The following TG variants were observed in gnomAD, a reference collection of about 807,000 sequenced individuals.
The protein encoded by TG is thyroglobulin, also known as thyroid hormones.
In TG, 270 loss-of-function variants were observed where a neutral mutation model predicts 324.7. That is an observed-to-expected ratio of 0.83 (90% CI 0.75 to 0.92). The LOEUF is 0.92. TG is among the 40% of genes least tolerant of loss of function. TG has a pLI of 0.00. For missense variants in TG, 3,591 were observed against 3,456.4 expected, an observed-to-expected ratio of 1.04 and a Z score of -0.98; for synonymous variants, 1,401 against 1,327.0, an observed-to-expected ratio of 1.06 and a Z score of -1.21.
In TG at chr8:132,897,746, G is replaced by C; in HGVS notation, c.3099G>C (p.Ala1033=). 6.2e-7 allele frequency: 1 copy of C among 1,614,210 alleles called. No individual in the cohort carries two copies. The highest frequency in any genetic ancestry group is 1.6e-4 in the Middle Eastern group (1 of 6,062). ...GCCCCTACATGCCACAGTGTGATGCGTTTGGAAGTTGGGAGCCTGTGCAGT... is the reference window on the plus strand; with the variant it reads ...GCCCCTACATGCCACAGTGTGATGCCTTTGGAAGTTGGGAGCCTGTGCAGT... The part of the protein sequence containing the change: ...RSGPYMPQCD[A]FGSWEPVQCH... Residue 1033 remains alanine (A), a synonymous_variant, in exon 12 of 48, where the codon GCG becomes GCC. Transcript: ENST00000220616.
At position 133,002,276 on chromosome 8, in the gene TG, T is replaced by C. The variant is rs1833591402; in HGVS notation, c.6263-9625T>C. ...TGCCTGTGGGGTGCATGCAGCTCTA[T>C]AGTGATGTGTAATTTTTTGGGCAAT... On this transcript the variant is annotated intron_variant, in intron 35 of 47. Coordinates refer to ENST00000220616, the MANE Select transcript of TG (RefSeq NM_003235.5). 9.1e-6 allele frequency: 9 copies of C among 985,502 alleles called. No individual in the cohort carries two copies. The South Asian group carries it at 1.4e-4, about 15-fold the overall frequency. The allele number at this position is 985,502 out of a possible 1,614,324, so 61.0% of individuals were successfully genotyped here. A position where few individuals can be genotyped will look rare whatever the true frequency, so the allele number is the denominator to read the frequency against.
intron 37 of TG, 24 bp downstream of exon 37, chr8:133,013,788 C>A (rs778449846): frequency 1.2e-6 from 2 of 1,603,402 alleles, no homozygotes; most frequent in Non-Finnish European, 1.7e-6. Flanking sequence ...TATGCCTTTG[C>A]AGCCATCCTG....
chr8:132,938,611 C>T (rs989476580), intron 25 of TG, among the ~76,000 whole-genome samples: 1 of 151,982 alleles, frequency 6.6e-6, no homozygotes, highest in African/African-American at 2.4e-5. Flanking sequence ...GGGAATAGAA[C>T]CAGCAATAAG....
chr8:132,979,754 G>A (rs1830597505), intron 34 of TG, among the ~76,000 whole-genome samples: 1 of 152,092 alleles, frequency 6.6e-6, no homozygotes, highest in East Asian at 1.9e-4. Flanking sequence ...ACATCTGTCA[G>A]GTTTTTTGCC....
intron 8 of TG, among the ~76,000 whole-genome samples, chr8:132,883,517 C>T (rs1369588520): frequency 6.6e-6 from 1 of 152,130 alleles, no homozygotes; most frequent in East Asian, 1.9e-4. Context: ...ATCATCTAAT[C>T]TGCAAGAAGG....
At chr8:133,057,914 C>G (rs966977509) in intron 41 of TG, among the ~76,000 whole-genome samples, 8 of 152,168 alleles carry the variant, frequency 5.3e-5, no homozygotes, top group Admixed American at 1.3e-4. Flanking sequence ...CTGGGTGATC[C>G]TTGTGCACGG....
In TG at chr8:133,127,681, G is replaced by C. The variant is rs144536519; in HGVS notation, c.7863-4131G>C. On this transcript the variant is annotated intron_variant, in intron 45 of 47. Transcript: ENST00000220616. ...TAGACCTTAGTAAGCATGCAGTTTAGTGGTTTTTCAGACTTTGGATTTTTC... is the reference window on the plus strand; with the variant it reads ...TAGACCTTAGTAAGCATGCAGTTTACTGGTTTTTCAGACTTTGGATTTTTC... 1.7e-3 allele frequency among the ~76,000 whole-genome samples: 256 copies of C among 152,272 alleles called. 7 individuals carry two copies. The East Asian group carries it at 0.041, about 25-fold the overall frequency.
intron 1 of TG, 111 bp downstream of exon 1, chr8:132,867,178 C>G: frequency 1.0e-6 from 1 of 983,762 alleles, no homozygotes; most frequent in East Asian, 2.6e-5. Context: ...CACAAATTCC[C>G]ACATGTCAGT....
At chr8:133,130,735 C>T (rs1277366609) in intron 45 of TG, among the ~76,000 whole-genome samples, 1 of 152,160 alleles carries the variant, frequency 6.6e-6, no homozygotes, top group Non-Finnish European at 1.5e-5. Flanking sequence ...CAGACATTGT[C>T]AGATAGTAAT....
chr8:133,063,505 A>T (rs985132876), intron 41 of TG: 8 of 143,046 alleles, frequency 5.6e-5, no homozygotes, highest in Admixed American at 1.4e-4. Context: ...AATCCACTAC[A>T]GAAAAAAAAA....
chr8:133,116,566 A>G (rs1197575599), intron 44 of TG, 43 bp from the exon 45 acceptor site: 1 of 1,550,746 alleles, frequency 6.4e-7, no homozygotes, highest in South Asian at 1.1e-5. Flanking sequence ...TGGCCCATAG[A>G]GCCATGTTTA....
intron 41 of TG, among the ~76,000 whole-genome samples, chr8:133,063,014 C>T (rs1353246268): frequency 2.0e-5 from 3 of 152,232 alleles, no homozygotes; most frequent in African/African-American, 7.2e-5. Flanking sequence ...GTTCCTCAGC[C>T]TCCTTGTCTA....
intron 41 of TG, among the ~76,000 whole-genome samples, chr8:133,053,997 G>C (rs1564124006): frequency 6.6e-6 from 1 of 152,166 alleles, no homozygotes; most frequent in Admixed American, 6.5e-5. Context: ...CACTGGGAAG[G>C]TATTACAGTT....
At chr8:133,037,087 C>T (rs889498133) in intron 41 of TG, 2 of 152,216 alleles carry the variant, frequency 1.3e-5, no homozygotes, top group African/African-American at 4.8e-5. Context: ...ACCAGTAGCA[C>T]GATGAGCTCA....
In TG at chr8:133,116,665, C is replaced by A. The variant is rs776359923; in HGVS notation, c.7811C>A (p.Ala2604Asp). The change falls in exon 45 of 48, where the codon GCC becomes GAC. Residue 2604 changes from alanine to aspartate, a missense_variant. Physicochemically the swap from Ala to Asp is moderately radical, Grantham distance 126. Transcript: ENST00000220616. The stretch of plus-strand genomic sequence containing the variant: ...ATGGCCAGTGCCTGGGCAAAGAGGG[C>A]CCGAGGAAACGTCTTCATGTACCAT... ...IDMASAWAKR[A>D]RGNVFMYHAP... 24 of 1,614,102 alleles carry A rather than the reference C, an allele frequency of 1.5e-5. No homozygotes were observed. The South Asian group carries it at 2.5e-4, about 17-fold the overall frequency.
chr8:133,095,079 C>T lies in TG; in HGVS notation c.7275C>T (p.Ser2425=). The part of the protein sequence containing the change: ...GSALSPAAVI[S]HERAQQQAIA... Reference sequence around the variant, plus strand: ...CACTCTCCCCGGCCGCCGTCATCAGCCATGAGAGGGCTCAGCAGCAGGCAA... The same window carrying T: ...CACTCTCCCCGGCCGCCGTCATCAGTCATGAGAGGGCTCAGCAGCAGGCAA... The change falls in exon 42 of 48, where the codon AGC becomes AGT. Residue 2425 remains serine, a synonymous_variant. Coordinates refer to ENST00000220616, the MANE Select transcript of TG (RefSeq NM_003235.5). 1 of 1,614,172 alleles carries T rather than the reference C, an allele frequency of 6.2e-7. No homozygotes were observed. Among genetic ancestry groups the T allele is most frequent in the Non-Finnish European group, 8.5e-7 (1 of 1,180,046 alleles).
intron 11 of TG, among the ~76,000 whole-genome samples, chr8:132,895,858 C>T (rs1817015188): frequency 6.6e-6 from 1 of 152,200 alleles, no homozygotes. Context: ...CATTGAATGG[C>T]ATGTTGGCAT....
chr8:132,927,983 T>C (rs1002105861), intron 22 of TG, among the ~76,000 whole-genome samples: 2 of 152,192 alleles, frequency 1.3e-5, no homozygotes. Context: ...GATGGGCCAG[T>C]TTGTAAAATC....
rs142661041 is a variant in TG, at chr8:133,002,119, C to T, written c.6263-9782C>T. ...GGAGAGAGTGTCAGGCATTTGCTGC[C>T]GGTTTGACATTCTGCCCTTGGATCT... On this transcript the variant is annotated intron_variant, in intron 35 of 47. Coordinates refer to ENST00000220616, the MANE Select transcript of TG (RefSeq NM_003235.5). The T allele has an allele frequency of 9.5e-3, 9,344 of 985,322 alleles. 50 individuals are homozygous for T. The highest frequency in any genetic ancestry group is 0.01 in the Non-Finnish European group (8,616 of 829,914). The allele number at this position is 985,322 out of a possible 1,614,324, so 61.0% of individuals were successfully genotyped here.
Sources: allele counts gnomAD v4.1 joint callset (sites outside exome capture counted in the v4.1 genomes callset), GRCh38; gene constraint gnomAD v4.1.1; transcripts MANE v1.5; gene names NCBI Gene and HGNC (gene_info 2026-07-23, HGNC 2026-07-21).